Variants in CCDC91 observed in about 807,000 individuals in gnomAD.
The protein encoded by CCDC91 is coiled-coil domain containing 91, also known as coiled-coil domain-containing protein 91.
CCDC91 carries 48 observed loss-of-function variants against 63.2 expected under a neutral mutation model. That is an observed-to-expected ratio of 0.76 (90% CI 0.60 to 0.97). The LOEUF (loss-of-function observed/expected upper bound fraction) is 0.97, where lower values mean the gene tolerates loss of function less well. Among genes scored for constraint, CCDC91 ranks in the 50% least tolerant of loss-of-function variants. The pLI is 0.00. For synonymous variants in CCDC91, 167 were observed against 165.8 expected, an observed-to-expected ratio of 1.01 and a Z score of -0.06; for missense variants, 500 against 494.6, an observed-to-expected ratio of 1.01 and a Z score of -0.10.
At chr12:28,402,777 A>T (rs1201356504) in intron 8 of CCDC91, among the ~76,000 whole-genome samples, 1 of 152,112 alleles carries the variant, frequency 6.6e-6, no homozygotes, top group East Asian at 1.9e-4. Flanking sequence ...TCTTGGCTGT[A>T]GAATTTTTAT....
intron 12 of CCDC91, among the ~76,000 whole-genome samples, chr12:28,523,366 A>G (rs1250316569): frequency 6.6e-6 from 1 of 151,990 alleles, no homozygotes; most frequent in Non-Finnish European, 1.5e-5. Flanking sequence ...GTTGGTTTAA[A>G]GTCTGTTTTA....
chr12:28,251,887 T>G (rs1015923087), intron 1 of CCDC91, among the ~76,000 whole-genome samples: 10 of 152,122 alleles, frequency 6.6e-5, no homozygotes, highest in African/African-American at 2.4e-4. Context: ...TCCCTTTGCT[T>G]TTCACTTTAG....
chr12:28,398,543 G>T (rs1169453410), intron 8 of CCDC91, among the ~76,000 whole-genome samples: 1 of 152,032 alleles, frequency 6.6e-6, no homozygotes, highest in South Asian at 2.1e-4. Flanking sequence ...GTAAGGAATT[G>T]CTGTGTCATA....
At chr12:28,323,027 G>T (rs969568105) in intron 6 of CCDC91, among the ~76,000 whole-genome samples, 9 of 150,632 alleles carry the variant, frequency 6.0e-5, no homozygotes, top group African/African-American at 2.2e-4. Context: ...TATCTTAAGT[G>T]ATTTATAAGA....
intron 12 of CCDC91, among the ~76,000 whole-genome samples, chr12:28,533,333 T>G (rs1941896143): frequency 6.6e-6 from 1 of 152,092 alleles, no homozygotes; most frequent in Non-Finnish European, 1.5e-5. Flanking sequence ...ACCTATAGTC[T>G]TAATTATGTG....
intron 3 of CCDC91, 72 bp from the exon 4 acceptor site, chr12:28,305,577 C>A: frequency 7.8e-7 from 1 of 1,288,682 alleles, no homozygotes; most frequent in Non-Finnish European, 1.0e-6. Context: ...TCTCTTTCTT[C>A]CTTTCAACCT....
chr12:28,513,503 T>C (rs902368066), intron 12 of CCDC91, among the ~76,000 whole-genome samples: 2 of 151,828 alleles, frequency 1.3e-5, no homozygotes, highest in African/African-American at 4.8e-5. Context: ...TTTTTGGATT[T>C]GGGATCCTCA....
At chr12:28,459,384 T>C (rs1950201443) in intron 11 of CCDC91, among the ~76,000 whole-genome samples, 1 of 152,114 alleles carries the variant, frequency 6.6e-6, no homozygotes, top group Admixed American at 6.6e-5. Context: ...TGCAATAGAT[T>C]ATAATATATA....
chr12:28,538,569 A>C lies in CCDC91; in HGVS notation c.1216-10494A>C, dbSNP rs183241830. ...GTGAATAGTGCCACAATAAACATAC[A>C]TGTGCATGTGTCTTTATAGCAGCAT... On this transcript the variant is annotated intron_variant, in intron 12 of 12. Coordinates refer to ENST00000536442, the MANE Select transcript of CCDC91 (RefSeq NM_018318.5). Among the ~76,000 whole-genome samples, 285 of 152,106 alleles carry C rather than the reference A, an allele frequency of 1.9e-3. 1 individual carries two copies. Among genetic ancestry groups the C allele is most frequent in the African/African-American group, 6.4e-3 (265 of 41,510 alleles).
At chr12:28,457,187 C>T (rs1483206339) in intron 11 of CCDC91, among the ~76,000 whole-genome samples, 1 of 151,994 alleles carries the variant, frequency 6.6e-6, no homozygotes, top group Non-Finnish European at 1.5e-5. Context: ...TGCTGAGCCC[C>T]AGCCTAGATG....
intron 12 of CCDC91, among the ~76,000 whole-genome samples, chr12:28,514,955 A>G (rs1043686379): frequency 2.0e-5 from 3 of 151,792 alleles, no homozygotes; most frequent in Non-Finnish European, 4.4e-5. Context: ...ACTCTGTACA[A>G]CAAACCCCCA....
chr12:28,400,165 G>C (rs1177280866), intron 8 of CCDC91, among the ~76,000 whole-genome samples: 1 of 152,166 alleles, frequency 6.6e-6, no homozygotes, highest in East Asian at 1.9e-4. Flanking sequence ...AATCTAGGTG[G>C]AAGTTCCCAA....
chr12:28,446,205 A>G (rs1265186284), intron 8 of CCDC91, among the ~76,000 whole-genome samples: 1 of 152,112 alleles, frequency 6.6e-6, no homozygotes, highest in Non-Finnish European at 1.5e-5. Context: ...TTCTAAGCAA[A>G]AAGACTGGCT....
chr12:28,483,630 C>T (rs1457465795), intron 11 of CCDC91, among the ~76,000 whole-genome samples: 2 of 152,026 alleles, frequency 1.3e-5, no homozygotes, highest in Admixed American at 6.6e-5. Context: ...CCACTCAGAC[C>T]ACACTTGATT....
intron 12 of CCDC91, among the ~76,000 whole-genome samples, chr12:28,538,504 C>A (rs1942369921): frequency 6.6e-6 from 1 of 151,854 alleles, no homozygotes; most frequent in Admixed American, 6.6e-5. Context: ...TCCAGTCTAT[C>A]ATTGTTGGAC....
At chr12:28,403,116 T>G (rs1432842864) in intron 8 of CCDC91, among the ~76,000 whole-genome samples, 2 of 152,202 alleles carry the variant, frequency 1.3e-5, no homozygotes, top group African/African-American at 4.8e-5. Context: ...TTTCCTGTGA[T>G]GTATTTGTCT....
chr12:28,377,433 C>CA (rs1172875793), intron 7 of CCDC91, among the ~76,000 whole-genome samples: 2 of 151,320 alleles, frequency 1.3e-5, no homozygotes, highest in Admixed American at 1.3e-4. Context: ...CTGAAAAAGG[C>CA]AAAAAAGAAA....
At position 28,452,484 on chromosome 12, in the gene CCDC91, A is replaced by C; in HGVS notation, c.931A>C (p.Lys311Gln). Residue 311 changes from lysine to glutamine, a missense_variant, in exon 11 of 13, where the codon AAA becomes CAA. Coordinates refer to ENST00000536442, the MANE Select transcript of CCDC91 (RefSeq NM_018318.5). Reference protein sequence around the residue: ...EALVSAAKLEKEAVKDAVLKV... With the variant: ...EALVSAAKLEQEAVKDAVLKV... ...GTCTTTATTTATTTTGAAGCTTGAA[A>C]AAGAAGCAGTGAAGGATGCAGTTTT... The C allele has an allele frequency of 6.4e-7, 1 of 1,553,754 alleles. No individual in the cohort carries two copies. Among genetic ancestry groups the C allele is most frequent in the Non-Finnish European group, 8.7e-7 (1 of 1,148,674 alleles).
chr12:28,373,571 C>T (rs560582218), intron 7 of CCDC91, among the ~76,000 whole-genome samples: 10 of 152,104 alleles, frequency 6.6e-5, no homozygotes, highest in African/African-American at 9.6e-5. Context: ...TTTACTGATT[C>T]TTTCTCCTCG....
Sources: gnomAD v4.1 joint callset for allele counts (sites outside exome capture counted in the v4.1 genomes callset) on GRCh38, gnomAD v4.1.1 for gene constraint, MANE v1.5 for transcripts, NCBI Gene and HGNC (gene_info 2026-07-23, HGNC 2026-07-21) for gene names.